Variants in CTSB observed in about 807,000 individuals in gnomAD.
CTSB encodes the protein APP secretase.
CTSB carries 57 observed loss-of-function variants against 44.3 expected under a neutral mutation model. The observed-to-expected ratio is 1.29, with a 90% CI of 1.04 to 1.60. The LOEUF (loss-of-function observed/expected upper bound fraction) is 1.60. CTSB is among the 40% of genes most tolerant of loss of function. The pLI is 0.00. For synonymous variants in CTSB, 320 were observed against 168.0 expected, an observed-to-expected ratio of 1.91 and a Z score of -7.00; for missense variants, 768 against 443.0, an observed-to-expected ratio of 1.73 and a Z score of -6.59.
chr8:11,850,979 C>T lies in CTSB; in HGVS notation c.214G>A (p.Val72Ile). ...FLGGPKPPQR[V>I]MFTEDLKLPA... ...AGCTTCAGGTCCTCGGTAAACATAA[C>T]TCTGGATAAAGGAAGGTCTTCATTA... Residue 72 changes from valine (V) to isoleucine (I), a missense_variant and splice_region_variant, in exon 4 of 10, where the codon GTT (valine) becomes ATT (isoleucine). Coordinates refer to ENST00000353047, the MANE Select transcript of CTSB (RefSeq NM_001908.5). 1.2e-6 allele frequency: 2 copies of T among 1,610,020 alleles called. No individual in the cohort carries two copies. Among genetic ancestry groups the T allele is most frequent in the South Asian group, 2.2e-5 (2 of 90,660 alleles).
intron 1 of CTSB, chr8:11,861,601 G>A (rs940108425): frequency 1.3e-5 from 2 of 152,200 alleles, no homozygotes; most frequent in African/African-American, 2.4e-5. Flanking sequence ...TTTTGTTGTC[G>A]TTGTTGGTTG....
intron 1 of CTSB, among the ~76,000 whole-genome samples, chr8:11,865,798 G>A (rs1489945972): frequency 1.3e-5 from 2 of 149,508 alleles, no homozygotes; most frequent in African/African-American, 2.5e-5. Flanking sequence ...TTGAGATCAG[G>A]AGTTCGAAAA....
At chr8:11,856,314 T>C (rs1381350609) in intron 1 of CTSB, among the ~76,000 whole-genome samples, 1 of 151,966 alleles carries the variant, frequency 6.6e-6, no homozygotes, top group South Asian at 2.1e-4. Flanking sequence ...AGTGGTTAAA[T>C]AGAATATGAA....
intron 6 of CTSB, 117 bp downstream of exon 6, chr8:11,847,950 G>A: frequency 7.6e-7 from 1 of 1,317,568 alleles, no homozygotes; most frequent in Non-Finnish European, 1.1e-6. Context: ...CACCTGGCTA[G>A]CACCTCTCAG....
chr8:11,845,843 A>C (rs1813218167), intron 8 of CTSB, 54 bp from the exon 9 acceptor site: 1 of 1,537,196 alleles, frequency 6.5e-7, no homozygotes, highest in South Asian at 1.2e-5. Flanking sequence ...CCCACGCCCC[A>C]CAGCACCCCC....
chr8:11,846,767 AGAACAT>A (rs1385001397), intron 8 of CTSB, among the ~76,000 whole-genome samples: 1 of 152,224 alleles, frequency 6.6e-6, no homozygotes, highest in Non-Finnish European at 1.5e-5. Flanking sequence ...GTTCCCACAG[AGAACAT>A]GTATGAGCTG....
intron 5 of CTSB, chr8:11,848,812 G>C (rs1563393343): frequency 4.5e-6 from 2 of 441,070 alleles, no homozygotes; most frequent in African/African-American, 4.0e-5. Context: ...TTCTGAAACT[G>C]ACTGTTTTGC....
chr8:11,847,020 ACC>A, intron 8 of CTSB, 30 bp downstream of exon 8: 1 of 656,836 alleles, frequency 1.5e-6, no homozygotes, highest in South Asian at 1.4e-5. Context: ...CCCGACCCCC[ACC>A]CTCTATTGCC....
At chr8:11,851,006 A>G (rs368343893) in intron 3 of CTSB, 26 bp from the exon 4 acceptor site, 14 of 1,553,506 alleles carry the variant, frequency 9.0e-6, no homozygotes, top group African/African-American at 1.4e-5. Flanking sequence ...TCTTCATTAC[A>G]AGCTCTGATC....
intron 1 of CTSB, among the ~76,000 whole-genome samples, chr8:11,859,486 C>T (rs1185609306): frequency 6.6e-6 from 1 of 152,164 alleles, no homozygotes; most frequent in African/African-American, 2.4e-5. Flanking sequence ...TCTGGCCAGG[C>T]ACAGTGGCTC....
chr8:11,852,588 G>A (rs773233557), intron 3 of CTSB, 22 bp downstream of exon 3: 14 of 1,593,562 alleles, frequency 8.8e-6, no homozygotes, highest in Admixed American at 1.7e-5. Context: ...CATTACAGCG[G>A]TGCAGAGGAG....
rs368353448 is a variant in CTSB at position 11,848,185 on chromosome 8, G to C, written c.447-33C>G. The stretch of plus-strand genomic sequence containing the variant: ...GACAGCCTCTAATGAAAACCTCTGA[G>C]AGAAGCACCACCAGCTCTCCAGACC... On this transcript the variant is annotated intron_variant, in intron 5 of 9. Transcript: ENST00000353047. 18 of 1,583,332 alleles carry C rather than the reference G, an allele frequency of 1.1e-5. No homozygotes were observed. In the African/African-American group the frequency reaches 2.3e-4, roughly 20 times the overall value.
At chr8:11,866,250 TAAA>T (rs1196198511) in intron 1 of CTSB, among the ~76,000 whole-genome samples, 1 of 152,192 alleles carries the variant, frequency 6.6e-6, no homozygotes, top group Non-Finnish European at 1.5e-5. Flanking sequence ...CCCAGTCTGC[TAAA>T]TCAGCACCAC....
chr8:11,856,941 G>C (rs550655997), intron 1 of CTSB, among the ~76,000 whole-genome samples: 1 of 152,158 alleles, frequency 6.6e-6, no homozygotes, highest in East Asian at 1.9e-4. Flanking sequence ...AAGGCCCTGA[G>C]CCACCAAACT....
At position 11,851,054 on chromosome 8, in the gene CTSB, G is replaced by A. The variant is rs537460471; in HGVS notation, c.213-74C>T. On this transcript the variant is annotated intron_variant, in intron 3 of 9. Coordinates refer to ENST00000353047, the MANE Select transcript of CTSB (RefSeq NM_001908.5). ...CCCCAATCCCTGCAAAGGCCACTTT[G>A]GCTGGGCCACACTCCCCTAACAAGG... 7 of 1,035,246 alleles carry A rather than the reference G, an allele frequency of 6.8e-6. No homozygotes were observed. In the East Asian group the frequency reaches 1.8e-4, roughly 27 times the overall value. The allele number at this position is 1,035,246 out of a possible 1,614,324, so 64.1% of individuals were successfully genotyped here.
intron 1 of CTSB, among the ~76,000 whole-genome samples, chr8:11,861,191 CA>C (rs1414293187): frequency 6.6e-6 from 1 of 152,236 alleles, no homozygotes; most frequent in Non-Finnish European, 1.5e-5. Context: ...ACCAGAGGCC[CA>C]TCTGTCCCAT....
At chr8:11,865,598 A>AT (rs1817007701) in intron 1 of CTSB, 2 of 151,246 alleles carry the variant, frequency 1.3e-5, no homozygotes, top group Non-Finnish European at 2.9e-5. Context: ...AAAAAAAAAA[A>AT]GGAGAGAGAG....
chr8:11,853,244 TG>T, intron 2 of CTSB, 84 bp downstream of exon 2: 2 of 1,550,566 alleles, frequency 1.3e-6, no homozygotes, highest in Non-Finnish European at 1.8e-6. Context: ...TGGGCCACAG[TG>T]AGGGCTGGCT....
intron 7 of CTSB, among the ~76,000 whole-genome samples, 176 bp downstream of exon 7, chr8:11,847,503 C>T (rs1563386593): frequency 6.6e-6 from 1 of 152,268 alleles, no homozygotes. Context: ...GTGGAACAGG[C>T]AGAAAGTGGA....
Sources: allele counts gnomAD v4.1 joint callset (sites outside exome capture counted in the v4.1 genomes callset), GRCh38; gene constraint gnomAD v4.1.1; transcripts MANE v1.5; gene names NCBI Gene and HGNC (gene_info 2026-07-23, HGNC 2026-07-21).